Variants in KCNB2 observed in about 807,000 individuals in gnomAD.
The protein encoded by KCNB2 is potassium voltage-gated channel subfamily B member 2.
In KCNB2, 15 loss-of-function variants were observed where a neutral mutation model predicts 61.5. The observed-to-expected ratio is 0.24, with a 90% CI of 0.16 to 0.38. The LOEUF (loss-of-function observed/expected upper bound fraction) is 0.38, where lower values mean the gene tolerates loss of function less well. Among genes scored for constraint, KCNB2 ranks in the 10% least tolerant of loss-of-function variants. KCNB2 has a pLI of 1.00. For missense variants in KCNB2, 828 were observed against 1,125.2 expected, an observed-to-expected ratio of 0.74 and a Z score of 3.78; for synonymous variants, 457 against 446.0, an observed-to-expected ratio of 1.02 and a Z score of -0.31.
intron 2 of KCNB2, among the ~76,000 whole-genome samples, chr8:72,741,545 T>C (rs1457046896): frequency 6.6e-6 from 1 of 152,146 alleles, no homozygotes; most frequent in African/African-American, 2.4e-5. Context: ...GCACACAGTG[T>C]GTAGTCTTTT....
rs77319890 is a variant in KCNB2, at chr8:72,800,033, C to T, written c.580-135902C>T. On this transcript the variant is annotated intron_variant, in intron 2 of 2. Transcript: ENST00000523207. ...GCACGGTGGGCCTTGAAAACCAAGG[C>T]GAAAACCAATTTAAATGTCATCTGT... 1.4e-3 allele frequency among the ~76,000 whole-genome samples: 211 copies of T among 152,080 alleles called. 4 individuals are homozygous for T. In the East Asian group the frequency reaches 0.037, roughly 27 times the overall value.
chr8:72,578,578 A>G (rs1164586196), intron 2 of KCNB2, among the ~76,000 whole-genome samples: 1 of 152,142 alleles, frequency 6.6e-6, no homozygotes, highest in East Asian at 1.9e-4. Flanking sequence ...TCAGACTCTA[A>G]CTCATGAGCC....
chr8:72,753,174 A>G (rs1204269508), intron 2 of KCNB2, among the ~76,000 whole-genome samples: 1 of 152,192 alleles, frequency 6.6e-6, no homozygotes, highest in Non-Finnish European at 1.5e-5. Flanking sequence ...TTTTGTTGGT[A>G]GGAGTGGTGG....
chr8:72,735,517 T>C (rs910633932), intron 2 of KCNB2, among the ~76,000 whole-genome samples: 2 of 152,170 alleles, frequency 1.3e-5, no homozygotes, highest in Non-Finnish European at 2.9e-5. Flanking sequence ...GATCAGTGAT[T>C]CTCAAACTTT....
At chr8:72,824,551 ACT>A (rs1430727464) in intron 2 of KCNB2, among the ~76,000 whole-genome samples, 2 of 151,500 alleles carry the variant, frequency 1.3e-5, no homozygotes, top group Admixed American at 6.6e-5. Flanking sequence ...AAATCTGATG[ACT>A]CTCTCCTGCT....
chr8:72,857,697 C>A (rs1395929603), intron 2 of KCNB2, among the ~76,000 whole-genome samples: 1 of 152,050 alleles, frequency 6.6e-6, no homozygotes, highest in Non-Finnish European at 1.5e-5. Context: ...AATTAGAGGA[C>A]TTCATTAAAC....
intron 2 of KCNB2, among the ~76,000 whole-genome samples, chr8:72,905,549 A>G (rs1052589297): frequency 6.6e-6 from 1 of 151,698 alleles, no homozygotes; most frequent in Admixed American, 6.6e-5. Flanking sequence ...GAGTAATGGC[A>G]CTTAAGCAGG....
chr8:72,619,120 GT>G (rs1012808729), intron 2 of KCNB2: 2 of 294,956 alleles, frequency 6.8e-6, no homozygotes, highest in African/African-American at 2.3e-5. Flanking sequence ...GTTGCAGTTA[GT>G]TTTTTTTCAA....
chr8:72,841,276 A>G (rs1371078436), intron 2 of KCNB2, among the ~76,000 whole-genome samples: 3 of 151,158 alleles, frequency 2.0e-5, no homozygotes, highest in Non-Finnish European at 4.4e-5. Flanking sequence ...CTGTTTTGGT[A>G]CCAGTACCAT....
intron 2 of KCNB2, among the ~76,000 whole-genome samples, chr8:72,589,416 T>C (rs1807051533): frequency 6.6e-6 from 1 of 152,182 alleles, no homozygotes; most frequent in East Asian, 1.9e-4. Flanking sequence ...CTCCTGTTAG[T>C]TCAGTATGTG....
chr8:72,864,127 A>C (rs79726238), intron 2 of KCNB2, among the ~76,000 whole-genome samples: 2,593 of 152,292 alleles, frequency 0.017, 84 homozygotes, highest in African/African-American at 0.058. Context: ...CAGTTGTCTC[A>C]ACTGATTCCC....
intron 2 of KCNB2, among the ~76,000 whole-genome samples, chr8:72,872,492 T>C (rs540629084): frequency 2.6e-5 from 4 of 152,302 alleles, no homozygotes; most frequent in Admixed American, 2.6e-4. Context: ...TGTTTGGTTG[T>C]TAATCAGCTT....
At chr8:72,586,435 T>G (rs1235193958) in intron 2 of KCNB2, among the ~76,000 whole-genome samples, 1 of 152,138 alleles carries the variant, frequency 6.6e-6, no homozygotes, top group African/African-American at 2.4e-5. Context: ...TTGAAACAAA[T>G]GTGTTCAACG....
rs758888149 is a variant in KCNB2 at position 72,568,013 on chromosome 8, A to G, written c.279A>G (p.Pro93=). 6.2e-6 allele frequency: 10 copies of G among 1,614,062 alleles called. No individual in the cohort carries two copies. The African/African-American group carries it at 9.3e-5, about 15-fold the overall frequency. ...NENEYFFDRH[P]GAFTSILNFY... is the part of the protein sequence containing the mutation. Reference sequence around the variant, plus strand: ...ACGAGTATTTCTTTGATCGGCATCCAGGAGCCTTCACTTCCATTTTAAATT... The same window carrying G: ...ACGAGTATTTCTTTGATCGGCATCCGGGAGCCTTCACTTCCATTTTAAATT... The change falls in exon 2 of 3, where the codon CCA becomes CCG. Residue 93 remains proline, a synonymous_variant. Coordinates refer to ENST00000523207, the MANE Select transcript of KCNB2 (RefSeq NM_004770.3).
chr8:72,830,947 T>C (rs1020367461), intron 2 of KCNB2, among the ~76,000 whole-genome samples: 3 of 152,250 alleles, frequency 2.0e-5, no homozygotes, highest in African/African-American at 7.2e-5. Flanking sequence ...ACCAAAGCTT[T>C]AGCTCAAGTC....
intron 1 of KCNB2, among the ~76,000 whole-genome samples, chr8:72,553,681 C>G (rs377155534): frequency 1.3e-5 from 2 of 151,950 alleles, no homozygotes; most frequent in East Asian, 3.9e-4. Context: ...TATTAAGAAG[C>G]TACTTCTTAA....
intron 2 of KCNB2, among the ~76,000 whole-genome samples, chr8:72,680,406 C>G (rs2256564): frequency 0.71 from 107,779 of 152,106 alleles, 39,109 homozygotes; most frequent in African/African-American, 0.85. Flanking sequence ...GACACAATTG[C>G]AATTCATTAA....
intron 1 of KCNB2, among the ~76,000 whole-genome samples, chr8:72,566,657 A>C (rs1806629434): frequency 6.7e-6 from 1 of 150,024 alleles, no homozygotes; most frequent in Admixed American, 6.7e-5. Context: ...CAGTGAGCTG[A>C]GATTGTGCAG....
intron 2 of KCNB2, among the ~76,000 whole-genome samples, chr8:72,764,074 C>T (rs1390247071): frequency 6.6e-6 from 1 of 152,056 alleles, no homozygotes; most frequent in East Asian, 1.9e-4. Flanking sequence ...AACCAACAAC[C>T]ACTGAGATCC....
Sources: allele counts gnomAD v4.1 joint callset (sites outside exome capture counted in the v4.1 genomes callset), GRCh38; gene constraint gnomAD v4.1.1; transcripts MANE v1.5; gene names NCBI Gene and HGNC (gene_info 2026-07-23, HGNC 2026-07-21).